Variants in MBD6 observed in about 807,000 individuals in gnomAD.
MBD6 encodes the protein methyl-CpG-binding domain protein 6.
Under a neutral mutation model 66.8 loss-of-function variants are expected in MBD6, and 22 were observed. That is an observed-to-expected ratio of 0.33 (90% CI 0.24 to 0.47). The LOEUF (loss-of-function observed/expected upper bound fraction) is 0.47. Among genes scored for constraint, MBD6 ranks in the 20% least tolerant of loss-of-function variants. The pLI, the probability that MBD6 is intolerant of heterozygous loss-of-function variation, is 1.00. For synonymous variants in MBD6, 540 were observed against 534.6 expected, an observed-to-expected ratio of 1.01 and a Z score of -0.14; for missense variants, 1,322 against 1,286.9, an observed-to-expected ratio of 1.03 and a Z score of -0.42.
In MBD6 at chr12:57,527,962, C is replaced by T; in HGVS notation, c.2351C>T (p.Pro784Leu). 1 of 1,585,058 alleles carries T rather than the reference C, an allele frequency of 6.3e-7. No homozygotes were observed. Among genetic ancestry groups the T allele is most frequent in the Non-Finnish European group, 8.6e-7 (1 of 1,168,428 alleles). The change falls in exon 9 of 13, where the codon CCT becomes CTT. Residue 784 changes from proline (P) to leucine (L), a missense_variant. Physicochemically the swap from Pro to Leu is moderately conservative, Grantham distance 98 (BLOSUM62 -3). Transcript: ENST00000355673. ...CAGCTCCTCCCTGGGGGGGGAGCTC[C>T]TCCACCCCTCTCAGAGGCTTCTAGT... is the stretch of plus-strand genomic sequence containing the variant. ...GLQLLPGGGA[P>L]PPLSEASSPL...
chr12:57,521,718 A>C (rs554115146), upstream of MBD6: 1 of 152,332 alleles, frequency 6.6e-6, no homozygotes, highest in East Asian at 1.9e-4. Flanking sequence ...GCTTTCTCCA[A>C]GACCCTCTCT....
In MBD6 at chr12:57,528,405, C is replaced by G; in HGVS notation, c.2665C>G (p.Leu889Val). The change falls in exon 10 of 13, where the codon CTG (leucine) becomes GTG (valine). Residue 889 changes from leucine (L) to valine (V), a missense_variant. Transcript: ENST00000355673. ...TGGCAGCCGGCGGGAGCCTGGCCGA[C>G]TGGCCCTCAAATGGGGGACACGTGG... ...KPGSRREPGR[L>V]ALKWGTRGGF... 2 of 1,613,160 alleles carry G rather than the reference C, an allele frequency of 1.2e-6. No homozygotes were observed. The highest frequency in any genetic ancestry group is 1.7e-6 in the Non-Finnish European group (2 of 1,179,920).
intron 4 of MBD6, 49 bp from the exon 5 acceptor site, chr12:57,524,904 C>A (rs1359027082): frequency 1.9e-6 from 3 of 1,606,382 alleles, no homozygotes; most frequent in Admixed American, 3.3e-5. Context: ...TAGCCCTTCT[C>A]ACAGGTTCCA....
Position 57,526,943 on chromosome 12 carries a change from G to T in MBD6, c.1798G>T (p.Ala600Ser). The T allele has an allele frequency of 6.2e-7, 1 of 1,613,726 alleles. No homozygotes were observed. The highest frequency in any genetic ancestry group is 8.5e-7 in the Non-Finnish European group (1 of 1,179,978). The change falls in exon 7 of 13, where the codon GCT (alanine) becomes TCT (serine). Residue 600 changes from alanine to serine, a missense_variant. Ala to Ser is a moderately conservative substitution (Grantham distance 99). Transcript: ENST00000355673. ...GCCTGAAGGGCCTTCGCTTTTGGTGGCTTCCTTGCTTCCTCCACCACCCTC... is the reference window on the plus strand; with the variant it reads ...GCCTGAAGGGCCTTCGCTTTTGGTGTCTTCCTTGCTTCCTCCACCACCCTC... ...GEPEGPSLLVASLLPPPPSDL... is the reference protein window; with the variant it reads ...GEPEGPSLLVSSLLPPPPSDL...
rs1290093148 is a variant in MBD6 at position 57,526,175 on chromosome 12, G to A, written c.1207G>A (p.Glu403Lys). The change falls in exon 6 of 13, where the codon GAG becomes AAG. Residue 403 changes from glutamate (E) to lysine (K), a missense_variant. Coordinates refer to ENST00000355673, the MANE Select transcript of MBD6 (RefSeq NM_052897.4). ...APVPQPFSLP[E>K]PSQPILPSVL... ...TGTCCCCCAACCCTTTTCTCTCCCG[G>A]AGCCATCCCAACCAATTCTCCCTTC... 6.2e-7 allele frequency: 1 copy of A among 1,614,136 alleles called. No homozygotes were observed. Among genetic ancestry groups the A allele is most frequent in the Non-Finnish European group, 8.5e-7 (1 of 1,180,020 alleles).
intron 1 of MBD6, chr12:57,523,453 C>T (rs1878584015): frequency 6.6e-6 from 1 of 152,182 alleles, no homozygotes; most frequent in African/African-American, 2.4e-5. Context: ...GGTTCTGAAT[C>T]CCTTTGCCGT....
chr12:57,528,218 T>C lies in MBD6; in HGVS notation c.2478T>C (p.Pro826=). Residue 826 remains proline, a synonymous_variant, in exon 10 of 13, where the codon CCT becomes CCC. Coordinates refer to ENST00000355673, the MANE Select transcript of MBD6 (RefSeq NM_052897.4). ...CTGCCTCAGCCCTCGAACCAGAGCC[T>C]GCCAGGCCTCCCCTCAGTGCCTTAG... ...ESPASALEPE[P]ARPPLSALAP... 1 of 1,608,728 alleles carries C rather than the reference T, an allele frequency of 6.2e-7. No homozygotes were observed. Among genetic ancestry groups the C allele is most frequent in the Non-Finnish European group, 8.5e-7 (1 of 1,177,980 alleles).
chr12:57,527,472 C>T lies in MBD6; in HGVS notation c.2083-35C>T, dbSNP rs1359047462. On this transcript the variant is annotated intron_variant, in intron 7 of 12. Transcript: ENST00000355673. ...CACTATAAATCTGTTGAGTATTTTA[C>T]ACGCGTAAGTGTTAGAATCATTCTT... is the stretch of plus-strand genomic sequence containing the variant. 6.8e-6 allele frequency: 11 copies of T among 1,609,406 alleles called. No individual in the cohort carries two copies. The East Asian group carries it at 2.2e-4, about 33-fold the overall frequency.
chr12:57,525,156 A>G, intron 5 of MBD6, 41 bp downstream of exon 5: 1 of 1,582,298 alleles, frequency 6.3e-7, no homozygotes, highest in Non-Finnish European at 8.6e-7. Context: ...AGGAAAACCT[A>G]AGGGCTTGGA....
Position 57,528,531 on chromosome 12 carries a change from C to T in MBD6, c.2791C>T (p.Pro931Ser), listed in dbSNP as rs763794823. Residue 931 changes from proline to serine, a missense_variant, in exon 10 of 13, where the codon CCT becomes TCT. Transcript: ENST00000355673. The stretch of plus-strand genomic sequence containing the variant: ...GGGTGCTGAGCCCAAGGATCCACCC[C>T]CTCCCGGGCCCCATTCTGAGGACCT... ...EGGAEPKDPP[P>S]PGPHSEDLKV... is the part of the protein sequence containing the mutation. The T allele has an allele frequency of 4.3e-6, 7 of 1,611,798 alleles. No individual in the cohort carries two copies. Among genetic ancestry groups the T allele is most frequent in the Non-Finnish European group, 5.9e-6 (7 of 1,178,538 alleles).
At position 57,527,985 on chromosome 12, in the gene MBD6, A is replaced by G. The variant is rs1461237091; in HGVS notation, c.2374A>G (p.Ser792Gly). The change falls in exon 9 of 13, where the codon AGT (serine) becomes GGT (glycine). Residue 792 changes from serine (S) to glycine (G), a missense_variant. Ser to Gly is a moderately conservative substitution (Grantham distance 56, BLOSUM62 0). Coordinates refer to ENST00000355673, the MANE Select transcript of MBD6 (RefSeq NM_052897.4). ...TCCTCCACCCCTCTCAGAGGCTTCT[A>G]GTCCCCTAGCCTGCCTGCTACAGAG... ...GAPPPLSEASSPLACLLQSLQ... is the reference protein window; with the variant it reads ...GAPPPLSEASGPLACLLQSLQ... The G allele has an allele frequency of 1.3e-6, 2 of 1,563,050 alleles. No individual in the cohort carries two copies. The highest frequency in any genetic ancestry group is 1.7e-6 in the Non-Finnish European group (2 of 1,159,320).
Position 57,525,919 on chromosome 12 carries a change from C to A in MBD6, c.951C>A (p.Pro317=). 1.2e-6 allele frequency: 2 copies of A among 1,613,378 alleles called. No homozygotes were observed. Among genetic ancestry groups the A allele is most frequent in the Non-Finnish European group, 1.7e-6 (2 of 1,179,590 alleles). ...APTVEGPGAP[P]FLASSLLSAA... ...CGGTGGAGGGGCCTGGGGCACCCCC[C>A]TTCCTTGCTAGCAGCCTACTCTCTG... is the stretch of plus-strand genomic sequence containing the variant. The change falls in exon 6 of 13, where the codon CCC becomes CCA. Residue 317 remains proline, a synonymous_variant. Coordinates refer to ENST00000355673, the MANE Select transcript of MBD6 (RefSeq NM_052897.4).
upstream of MBD6, chr12:57,520,936 C>G (rs1878287645): frequency 6.5e-6 from 1 of 154,586 alleles, no homozygotes. Flanking sequence ...GCCCAACGGC[C>G]CCAACGGCTA....
chr12:57,530,437 G>A, downstream of MBD6: 1 of 431,664 alleles, frequency 2.3e-6, no homozygotes, highest in South Asian at 4.2e-5. Flanking sequence ...ACATGAGTTG[G>A]CATGTGGCTG....
At chr12:57,527,399 G>A in intron 7 of MBD6, 108 bp from the exon 8 acceptor site, 1 of 1,392,218 alleles carries the variant, frequency 7.2e-7, no homozygotes. Flanking sequence ...TATTTAATAA[G>A]CATGGCCTAT....
Position 57,528,265 on chromosome 12 carries a change from AC to A in MBD6, c.2531del (p.Pro844GlnfsTer102). 1 of 1,602,742 alleles carries A rather than the reference AC, an allele frequency of 6.2e-7. No individual in the cohort carries two copies. Among genetic ancestry groups the A allele is most frequent in the Non-Finnish European group, 8.5e-7 (1 of 1,175,128 alleles). ...SALAPPHGSPDPPVPELLTGR... is the reference protein window; with the variant it reads ...SALAPPHGSPXPPVPELLTGR... Reference sequence around the variant, plus strand: ...TTAGCCCCACCCCATGGTTCTCCCGACCCCCCAGTCCCTGAGCTGCTCACTG... The same window carrying A: ...TTAGCCCCACCCCATGGTTCTCCCGACCCCCAGTCCCTGAGCTGCTCACTG... On this transcript the variant is annotated frameshift_variant, in exon 10 of 13. Coordinates refer to ENST00000355673, the MANE Select transcript of MBD6 (RefSeq NM_052897.4). LOFTEE classifies it high-confidence loss of function.
chr12:57,527,357 TG>T, intron 7 of MBD6, 130 bp downstream of exon 7: 2 of 1,170,750 alleles, frequency 1.7e-6, no homozygotes, highest in Non-Finnish European at 2.4e-6. Flanking sequence ...AGTTCTTGGC[TG>T]GGGGTAGGAT....
downstream of MBD6, chr12:57,530,898 G>C: frequency 2.3e-6 from 2 of 858,322 alleles, no homozygotes; most frequent in Non-Finnish European, 3.8e-6. Context: ...GCCACAGAGG[G>C]GGGATGTTTA....
At chr12:57,531,132 A>T (rs1879660359), downstream of MBD6, among the ~76,000 whole-genome samples, 1 of 152,224 alleles carries the variant, frequency 6.6e-6, no homozygotes, top group Non-Finnish European at 1.5e-5. Context: ...TAAGTCCTTT[A>T]TATATTTTTT....
Sources: allele counts gnomAD v4.1 joint callset (sites outside exome capture counted in the v4.1 genomes callset), GRCh38; gene constraint gnomAD v4.1.1; transcripts MANE v1.5; gene names NCBI Gene and HGNC (gene_info 2026-07-23, HGNC 2026-07-21).